AGBL4: variants seen among roughly 807,000 people sequenced by gnomAD.
AGBL4 encodes the protein cytosolic carboxypeptidase 6.
A neutral mutation model predicts 66.4 loss-of-function variants in AGBL4; 58 were observed. The observed-to-expected ratio is 0.87, with a 90% CI of 0.71 to 1.09. AGBL4 has a LOEUF of 1.09. Ranked by LOEUF, AGBL4 falls within the 50% of genes least tolerant of loss-of-function variation. The pLI is 0.00. For missense variants in AGBL4, 579 were observed against 631.0 expected (o/e 0.92, Z 0.88); for synonymous variants, 234 against 222.9 (o/e 1.05, Z -0.44).
chr1:49,912,507 G>C (rs35653791), intron 1 of AGBL4, among the ~76,000 whole-genome samples: 30,981 of 152,056 alleles, frequency 0.2, 4,148 homozygotes, highest in Middle Eastern at 0.36. Flanking sequence ...TTTAATCTTC[G>C]CAACAACCCT....
intron 2 of AGBL4, among the ~76,000 whole-genome samples, chr1:49,786,382 G>T (rs905567594): frequency 3.9e-5 from 6 of 151,900 alleles, no homozygotes; most frequent in Non-Finnish European, 7.4e-5. Context: ...AGTTTCTATG[G>T]GTCTCTGGGA....
intron 3 of AGBL4, among the ~76,000 whole-genome samples, chr1:49,405,710 G>C (rs1368828503): frequency 1.3e-5 from 2 of 152,202 alleles, no homozygotes; most frequent in South Asian, 2.1e-4. Context: ...ATTCAAATGT[G>C]AGTGACAGAT....
intron 9 of AGBL4, among the ~76,000 whole-genome samples, chr1:48,607,375 T>A (rs868685800): frequency 6.6e-6 from 1 of 152,086 alleles, no homozygotes; most frequent in Non-Finnish European, 1.5e-5. Context: ...CCCAGCACTT[T>A]GGGAGGCTGA....
chr1:49,453,239 A>G (rs1336779514), intron 3 of AGBL4, among the ~76,000 whole-genome samples: 1 of 151,938 alleles, frequency 6.6e-6, no homozygotes, highest in Admixed American at 6.6e-5. Flanking sequence ...ATTTTTAAAT[A>G]GTGTTATATC....
chr1:48,856,662 G>C (rs1647164791), intron 6 of AGBL4, among the ~76,000 whole-genome samples: 1 of 152,174 alleles, frequency 6.6e-6, no homozygotes, highest in African/African-American at 2.4e-5. Flanking sequence ...TCATGTACTG[G>C]GAAGCAGGAT....
chr1:48,904,409 G>A (rs1652390148), intron 5 of AGBL4, among the ~76,000 whole-genome samples: 1 of 152,200 alleles, frequency 6.6e-6, no homozygotes, highest in African/African-American at 2.4e-5. Context: ...AAAGTCTAGT[G>A]TTTGTATTTA....
chr1:49,785,661 A>G (rs1644434918), intron 2 of AGBL4, among the ~76,000 whole-genome samples: 1 of 151,868 alleles, frequency 6.6e-6, no homozygotes, highest in Admixed American at 6.6e-5. Context: ...GCCCAAATTG[A>G]ATTTCAACTA....
chr1:49,725,682 G>GTTTTTTTTT (rs58294452), intron 2 of AGBL4, among the ~76,000 whole-genome samples: 1 of 119,084 alleles, frequency 8.4e-6, no homozygotes, highest in African/African-American at 3.4e-5. Flanking sequence ...TCCTTTGTGG[G>GTTTTTTTTT]TTTTTTTTTT....
rs1647151185 is a variant in AGBL4, at chr1:49,879,617, G to A, written c.35-28099C>T. Among the ~76,000 whole-genome samples the A allele has an allele frequency of 2.7e-5, 4 of 147,192 alleles. No individual in the cohort carries two copies. In the South Asian group the frequency reaches 8.9e-4, roughly 33 times the overall value. On this transcript the variant is annotated intron_variant, in intron 1 of 13. Coordinates refer to ENST00000371839, the MANE Select transcript of AGBL4 (RefSeq NM_032785.4). ...CATTTTTTCCTTCATTGCAACTTTG[G>A]TGAATCTGACAATTATGTGTCTTGG... is the stretch of plus-strand genomic sequence containing the variant.
chr1:49,979,730 A>G (rs1658904550), intron 1 of AGBL4, among the ~76,000 whole-genome samples: 1 of 152,204 alleles, frequency 6.6e-6, no homozygotes, highest in Non-Finnish European at 1.5e-5. Flanking sequence ...ATTGCATTAA[A>G]AAATAGTCTT....
At position 48,580,981 on chromosome 1, in the gene AGBL4, TC is replaced by T. The variant is rs536813903; in HGVS notation, c.1267+6022del. Reference sequence around the variant, plus strand: ...AGTTTCTCTTCCTCCACGAAGCCTTTCTTCCGACCCCCTCCTGCACCACCCC... The same window carrying T: ...AGTTTCTCTTCCTCCACGAAGCCTTTTTCCGACCCCCTCCTGCACCACCCC... On this transcript the variant is annotated intron_variant, in intron 11 of 13. Transcript: ENST00000371839. 4.0e-3 allele frequency among the ~76,000 whole-genome samples: 603 copies of T among 152,254 alleles called. 1 individual carries two copies. The highest frequency in any genetic ancestry group is 0.014 in the African/African-American group (561 of 41,552).
At chr1:48,750,240 A>G (rs1004666625) in intron 6 of AGBL4, among the ~76,000 whole-genome samples, 1 of 152,168 alleles carries the variant, frequency 6.6e-6, no homozygotes, top group Non-Finnish European at 1.5e-5. Context: ...CCAATGGGGA[A>G]GTGCCCCCAT....
intron 5 of AGBL4, among the ~76,000 whole-genome samples, chr1:48,985,719 C>T (rs1188117823): frequency 6.6e-6 from 1 of 151,904 alleles, no homozygotes; most frequent in Admixed American, 6.6e-5. Context: ...GAAATGTCTA[C>T]CACTGAACAG....
At chr1:48,873,403 G>C (rs900391180) in intron 5 of AGBL4, among the ~76,000 whole-genome samples, 6 of 152,162 alleles carry the variant, frequency 3.9e-5, no homozygotes, top group Admixed American at 6.5e-5. Context: ...CTGCTGTAAA[G>C]CGTTGCTTAA....
At position 50,004,096 on chromosome 1, in the gene AGBL4, A is replaced by G. The variant is rs969833953; in HGVS notation, c.34+19667T>C. Reference sequence around the variant, plus strand: ...TCCCCCATCCTCTGGCAGAAGCCACATGGCACAGAAAAAGAATCTTTGCGC... The same window carrying G: ...TCCCCCATCCTCTGGCAGAAGCCACGTGGCACAGAAAAAGAATCTTTGCGC... On this transcript the variant is annotated intron_variant, in intron 1 of 13. Coordinates refer to ENST00000371839, the MANE Select transcript of AGBL4 (RefSeq NM_032785.4). Among the ~76,000 whole-genome samples, 8 of 152,208 alleles carry G rather than the reference A, an allele frequency of 5.3e-5. No homozygotes were observed. In the East Asian group the frequency reaches 1.5e-3, roughly 29 times the overall value.
intron 5 of AGBL4, among the ~76,000 whole-genome samples, chr1:48,931,006 A>C (rs1415179608): frequency 6.6e-6 from 1 of 152,198 alleles, no homozygotes; most frequent in Non-Finnish European, 1.5e-5. Context: ...TAAGTATTTT[A>C]TATAGTCTAA....
intron 3 of AGBL4, among the ~76,000 whole-genome samples, chr1:49,686,122 A>G (rs1341457405): frequency 6.6e-6 from 1 of 152,130 alleles, no homozygotes; most frequent in Non-Finnish European, 1.5e-5. Context: ...AGATGGCTAG[A>G]CAGTTATCCC....
intron 3 of AGBL4, among the ~76,000 whole-genome samples, chr1:49,331,390 G>T (rs1645330719): frequency 6.6e-6 from 1 of 152,150 alleles, no homozygotes; most frequent in Non-Finnish European, 1.5e-5. Flanking sequence ...CCTCAGAAGG[G>T]ACTAAACCCT....
chr1:49,265,651 C>T lies in AGBL4; in HGVS notation c.283-19787G>A, dbSNP rs376331702. On this transcript the variant is annotated intron_variant, in intron 3 of 13. Transcript: ENST00000371839. Reference sequence around the variant, plus strand: ...AAAATCATACCCATCTGGTAGAGTTCTTAGAATTAAATATAATTGCCCAGA... The same window carrying T: ...AAAATCATACCCATCTGGTAGAGTTTTTAGAATTAAATATAATTGCCCAGA... 3.3e-4 allele frequency among the ~76,000 whole-genome samples: 50 copies of T among 152,032 alleles called. 1 individual carries two copies. In the South Asian group the frequency reaches 9.6e-3, roughly 29 times the overall value.
Sources: allele counts gnomAD v4.1 joint callset (sites outside exome capture counted in the v4.1 genomes callset), GRCh38; gene constraint gnomAD v4.1.1; transcripts MANE v1.5; gene names NCBI Gene and HGNC (gene_info 2026-07-23, HGNC 2026-07-21).